The following PM20D2 variants were observed in gnomAD, a reference collection of about 807,000 sequenced individuals.
PM20D2 encodes xaa-Arg dipeptidase.
In PM20D2, 33 loss-of-function variants were observed where a neutral mutation model predicts 42.9. The observed-to-expected ratio is 0.77, with a 90% CI of 0.58 to 1.03. The LOEUF (loss-of-function observed/expected upper bound fraction) is 1.03, where lower values mean the gene tolerates loss of function less well. Ranked by LOEUF, PM20D2 falls within the 50% of genes least tolerant of loss-of-function variation. The pLI, the probability that PM20D2 is intolerant of heterozygous loss-of-function variation, is 0.00. For synonymous variants in PM20D2, 250 were observed against 228.2 expected (o/e 1.10, Z -0.86); for missense variants, 548 against 557.0 (o/e 0.98, Z 0.16).
intron 2 of PM20D2, 81 bp from the exon 3 acceptor site, chr6:89,152,962 G>T (rs1487579380): frequency 8.7e-7 from 1 of 1,143,462 alleles, no homozygotes; most frequent in Non-Finnish European, 1.2e-6. Context: ...TTGAATAGTA[G>T]TTGGGTAATT....
At chr6:89,122,227 T>TA in the PM20D2 span, among the ~76,000 whole-genome samples, 1 of 152,338 alleles carries the variant, frequency 6.6e-6, no homozygotes, top group South Asian at 2.1e-4. Flanking sequence ...GACTATCTCT[T>TA]ACATTCTTTT....
the PM20D2 span, among the ~76,000 whole-genome samples, chr6:89,117,083 T>C: frequency 4.6e-5 from 7 of 151,994 alleles, no homozygotes; most frequent in African/African-American, 1.7e-4. Flanking sequence ...AAGTGCTATA[T>C]GAAAAAGTCA....
At position 89,146,490 on chromosome 6, in the gene PM20D2, G is replaced by T. The variant is rs1161088914; in HGVS notation, c.346G>T (p.Ala116Ser). Residue 116 changes from alanine to serine, a missense_variant, in exon 1 of 7, where the codon GCG becomes TCG. Ala to Ser is a moderately conservative substitution (Grantham distance 99, BLOSUM62 1). This residue lies in a region of PM20D2 where 470 missense variants were observed against 464.4 expected (regional missense o/e 1.01). Transcript: ENST00000275072. Reference protein sequence around the residue: ...LHLGFLCEYDALPGIGHACGH... With the variant: ...LHLGFLCEYDSLPGIGHACGH... ...CCTGGGCTTCCTCTGCGAGTACGAC[G>T]CGCTGCCCGGCATCGGCCACGCCTG... 2.6e-6 allele frequency: 4 copies of T among 1,523,760 alleles called. No individual in the cohort carries two copies. Among genetic ancestry groups the T allele is most frequent in the East Asian group, 5.0e-5 (2 of 39,704 alleles). 94.4% of individuals were successfully genotyped at this position (1,523,760 alleles called of 1,614,324 possible).
At chr6:89,116,672 T>G in the PM20D2 span, among the ~76,000 whole-genome samples, 9,540 of 151,370 alleles carry the variant, frequency 0.063, 871 homozygotes, top group African/African-American at 0.2. Context: ...CTACTTTGGA[T>G]GCTGAGGCAG....
chr6:89,155,934 G>C (rs1296832515), intron 4 of PM20D2, among the ~76,000 whole-genome samples: 7 of 151,178 alleles, frequency 4.6e-5, no homozygotes. Flanking sequence ...ACCCAGGCTG[G>C]AGTGCAATGG....
chr6:89,150,474 A>G (rs1366971353), intron 2 of PM20D2, among the ~76,000 whole-genome samples: 2 of 146,344 alleles, frequency 1.4e-5, no homozygotes, highest in Non-Finnish European at 3.0e-5. Flanking sequence ...AAGTCAGCGC[A>G]CTTGACCCCA....
the PM20D2 span, among the ~76,000 whole-genome samples, chr6:89,120,711 A>T: frequency 5.5e-5 from 8 of 144,418 alleles, no homozygotes; most frequent in African/African-American, 1.3e-4. Flanking sequence ...ACAGAAAATT[A>T]AAAAAAAAAA....
the PM20D2 span, chr6:89,117,789 T>C: frequency 1.3e-6 from 2 of 1,531,786 alleles, no homozygotes; most frequent in Non-Finnish European, 1.8e-6. Context: ...CCGCCCCTCC[T>C]CCGCGCCCCC....
the PM20D2 span, among the ~76,000 whole-genome samples, chr6:89,129,588 ATTTTTTTT>A: frequency 4.7e-5 from 5 of 106,702 alleles, no homozygotes; most frequent in South Asian, 3.2e-4. Flanking sequence ...TCTGTTTCTA[ATTTTTTTT>A]TTTTTTTTTT....
chr6:89,116,774 TAA>T, the PM20D2 span, among the ~76,000 whole-genome samples: 128 of 135,100 alleles, frequency 9.5e-4, no homozygotes, highest in Middle Eastern at 3.8e-3. Flanking sequence ...AGACTTTGTC[TAA>T]AAAAAAAAAA....
At chr6:89,146,718 G>C in intron 1 of PM20D2, 109 bp downstream of exon 1, 1 of 924,248 alleles carries the variant, frequency 1.1e-6, no homozygotes, top group Non-Finnish European at 1.5e-6. Flanking sequence ...CTCCCGCCCG[G>C]GGCAGGTGTG....
chr6:89,118,912 C>T, the PM20D2 span, among the ~76,000 whole-genome samples: 1 of 152,198 alleles, frequency 6.6e-6, no homozygotes. Context: ...TGTTGTAGCC[C>T]ATCCCCTTCT....
upstream of PM20D2, among the ~76,000 whole-genome samples, chr6:89,144,929 A>G (rs1770471448): frequency 6.6e-6 from 1 of 152,222 alleles, no homozygotes; most frequent in East Asian, 1.9e-4. Flanking sequence ...GGAATGTGAC[A>G]TTTACTCTGG....
the PM20D2 span, among the ~76,000 whole-genome samples, chr6:89,115,528 G>A: frequency 6.6e-6 from 1 of 150,414 alleles, no homozygotes; most frequent in Non-Finnish European, 1.5e-5. Flanking sequence ...GTGATCCGCC[G>A]AACTCGGTCT....
intron 1 of PM20D2, among the ~76,000 whole-genome samples, chr6:89,148,268 C>T (rs1340510773): frequency 1.3e-5 from 2 of 152,108 alleles, no homozygotes; most frequent in East Asian, 1.9e-4. Flanking sequence ...CATGAGTCAC[C>T]GCTCCCGGCC....
At chr6:89,142,892 T>C (rs1466069538), upstream of PM20D2, among the ~76,000 whole-genome samples, 5 of 152,216 alleles carry the variant, frequency 3.3e-5, no homozygotes, top group East Asian at 9.6e-4. Context: ...TCTCCTGACC[T>C]CGTGAACCAC....
At chr6:89,107,757 GA>G in the PM20D2 span, among the ~76,000 whole-genome samples, 14 of 151,900 alleles carry the variant, frequency 9.2e-5, no homozygotes, top group South Asian at 2.3e-3. Context: ...AAGAAAACAC[GA>G]AAAAAACCTC....
chr6:89,099,456 GTATA>G, the PM20D2 span, among the ~76,000 whole-genome samples: 1 of 141,316 alleles, frequency 7.1e-6, no homozygotes, highest in Admixed American at 7.1e-5. Context: ...ATATATGTGT[GTATA>G]TATGTGTGTG....
rs1435613148 is a variant in PM20D2, at chr6:89,163,751, C to CT, written c.*1490dup. On this transcript the variant is annotated 3_prime_UTR_variant, in exon 7 of 7. Transcript: ENST00000275072. Reference sequence around the variant, plus strand: ...TAAACTAGAGGTATAGGTGGACCTGCTTGAGGTATCTTTGTTTTTATGGAA... The same window carrying CT: ...TAAACTAGAGGTATAGGTGGACCTGCTTTGAGGTATCTTTGTTTTTATGGAA... The CT allele has an allele frequency of 3.3e-5, 5 of 152,146 alleles. No individual in the cohort carries two copies. Among genetic ancestry groups the CT allele is most frequent in the Non-Finnish European group, 5.9e-5 (4 of 68,008 alleles). 9.4% of individuals were successfully genotyped at this position (152,146 alleles called of 1,614,324 possible).
Sources: allele counts gnomAD v4.1 joint callset (sites outside exome capture counted in the v4.1 genomes callset), GRCh38; gene constraint gnomAD v4.1.1; regional missense constraint gnomAD v4.1.1; transcripts MANE v1.5; gene names NCBI Gene and HGNC (gene_info 2026-07-23, HGNC 2026-07-21).